The following PLEKHH2 variants were observed in gnomAD, a reference collection of about 807,000 sequenced individuals.
PLEKHH2 encodes the protein pleckstrin homology domain-containing family H member 2.
In PLEKHH2, 129 loss-of-function variants were observed where a neutral mutation model predicts 187.9. The ratio of observed to expected loss-of-function variants is 0.69; its 90% CI spans 0.59 to 0.79. PLEKHH2 has a LOEUF of 0.79. PLEKHH2 is among the 30% of genes least tolerant of loss of function. PLEKHH2 has a pLI of 0.00. For synonymous variants in PLEKHH2, 686 were observed against 605.6 expected (o/e 1.13, Z -1.95); for missense variants, 2,076 against 1,751.2 (o/e 1.19, Z -3.31).
intron 3 of PLEKHH2, chr2:43,692,281 A>G (rs1310125489): frequency 3.0e-6 from 1 of 333,662 alleles, no homozygotes; most frequent in Non-Finnish European, 5.5e-6. Flanking sequence ...ATTACTTTAT[A>G]TGATAGCAAT....
At chr2:43,692,015 T>C (rs1030063480) in intron 3 of PLEKHH2, among the ~76,000 whole-genome samples, 14 of 152,224 alleles carry the variant, frequency 9.2e-5, no homozygotes, top group Non-Finnish European at 2.1e-4. Flanking sequence ...TTTTTTATGA[T>C]TCCATCATTT....
chr2:43,723,624 C>T (rs1670595753), intron 16 of PLEKHH2, among the ~76,000 whole-genome samples: 1 of 152,186 alleles, frequency 6.6e-6, no homozygotes, highest in Non-Finnish European at 1.5e-5. Flanking sequence ...TTCCCTCCTG[C>T]CTTTGGGAAG....
intron 25 of PLEKHH2, 138 bp from the exon 26 acceptor site, chr2:43,756,981 G>C: frequency 2.4e-5 from 14 of 572,358 alleles, no homozygotes; most frequent in Admixed American, 4.3e-5. Flanking sequence ...TGATTATGAA[G>C]TTCATAATCA....
intron 9 of PLEKHH2, 104 bp from the exon 10 acceptor site, chr2:43,706,218 A>G (rs1242099753): frequency 2.5e-6 from 2 of 811,454 alleles, no homozygotes; most frequent in Non-Finnish European, 4.2e-6. Flanking sequence ...TATTAATCGA[A>G]TTGCTTTTTA....
chr2:43,695,301 G>C, intron 6 of PLEKHH2, 77 bp downstream of exon 6: 2 of 728,078 alleles, frequency 2.7e-6, no homozygotes, highest in Non-Finnish European at 4.1e-6. Context: ...ATGTTTTAAA[G>C]ATGCGATTAT....
intron 24 of PLEKHH2, among the ~76,000 whole-genome samples, chr2:43,747,147 G>A (rs1671818650): frequency 7.2e-6 from 1 of 139,064 alleles, no homozygotes; most frequent in South Asian, 2.5e-4. Context: ...TGTTCACCGA[G>A]CTTCAACTGT....
chr2:43,651,172 T>TTC (rs1364395594), intron 2 of PLEKHH2, among the ~76,000 whole-genome samples: 4 of 149,478 alleles, frequency 2.7e-5, no homozygotes, highest in African/African-American at 1.0e-4. Flanking sequence ...TTCATTCATT[T>TTC]ATTCATTTTG....
At chr2:43,679,506 T>C in intron 3 of PLEKHH2, 1 of 369,106 alleles carries the variant, frequency 2.7e-6, no homozygotes, top group Non-Finnish European at 5.2e-6. Context: ...TTTTTTTTTT[T>C]TTTTTTTGAG....
At chr2:43,755,164 C>T (rs1011990457) in intron 25 of PLEKHH2, among the ~76,000 whole-genome samples, 16 of 152,104 alleles carry the variant, frequency 1.1e-4, no homozygotes, top group Non-Finnish European at 1.5e-4. Context: ...TGAGCCACCG[C>T]GCCCAGCCAA....
At chr2:43,681,566 G>A (rs554031859) in intron 3 of PLEKHH2, 11 of 1,043,778 alleles carry the variant, frequency 1.1e-5, no homozygotes, top group East Asian at 7.8e-5. Context: ...CTGTGGGCCC[G>A]CACCTTCGGC....
At position 43,692,663 on chromosome 2, in the gene PLEKHH2, G is replaced by C; in HGVS notation, c.336G>C (p.Gln112His). Residue 112 changes from glutamine to histidine, a missense_variant and splice_region_variant, in exon 4 of 30, where the codon CAG becomes CAC. Transcript: ENST00000282406. ...IQNLELQLEE[Q>H]KQIRIQEAKI... Reference sequence around the variant, plus strand: ...ACTTGGAATTGCAACTTGAAGAGCAGGTTAGGAAGAATTTGATAAAGAGTT... The same window carrying C: ...ACTTGGAATTGCAACTTGAAGAGCACGTTAGGAAGAATTTGATAAAGAGTT... The C allele has an allele frequency of 6.2e-7, 1 of 1,612,126 alleles. No individual in the cohort carries two copies.
intron 2 of PLEKHH2, among the ~76,000 whole-genome samples, chr2:43,666,618 A>G (rs548692341): frequency 6.6e-6 from 1 of 152,332 alleles, no homozygotes; most frequent in South Asian, 2.1e-4. Flanking sequence ...ACCATTTGGC[A>G]TATTCAATCT....
intron 6 of PLEKHH2, among the ~76,000 whole-genome samples, chr2:43,696,706 A>C (rs1000269429): frequency 9.9e-5 from 15 of 152,116 alleles, no homozygotes; most frequent in African/African-American, 3.6e-4. Flanking sequence ...CATTACAGTT[A>C]TCATGGGATG....
intron 3 of PLEKHH2, 123 bp from the exon 4 acceptor site, chr2:43,692,391 G>T: frequency 1.4e-6 from 1 of 736,410 alleles, no homozygotes; most frequent in Non-Finnish European, 2.2e-6. Flanking sequence ...AAACCTTGCT[G>T]TTTAATATTT....
chr2:43,714,473 T>G (rs1670119605), intron 15 of PLEKHH2, among the ~76,000 whole-genome samples: 1 of 152,160 alleles, frequency 6.6e-6, no homozygotes, highest in Non-Finnish European at 1.5e-5. Context: ...TCTGAGTGAC[T>G]TGTTCTGAGC....
intron 24 of PLEKHH2, among the ~76,000 whole-genome samples, chr2:43,752,993 C>T (rs1290512305): frequency 6.6e-6 from 1 of 152,152 alleles, no homozygotes; most frequent in Non-Finnish European, 1.5e-5. Context: ...CACCTTCTCC[C>T]CCTCCCCTTA....
intron 2 of PLEKHH2, among the ~76,000 whole-genome samples, chr2:43,674,404 A>C (rs916443503): frequency 1.3e-5 from 2 of 152,214 alleles, no homozygotes; most frequent in Admixed American, 1.3e-4. Context: ...GTAGTGGAAG[A>C]ATGTGGTATT....
At chr2:43,736,029 C>T (rs1323779002) in intron 19 of PLEKHH2, among the ~76,000 whole-genome samples, 5 of 151,896 alleles carry the variant, frequency 3.3e-5, no homozygotes, top group Admixed American at 2.0e-4. Context: ...TTAAATTTTT[C>T]AATTAAAGTA....
At chr2:43,722,425 A>G (rs1670526037) in intron 16 of PLEKHH2, among the ~76,000 whole-genome samples, 1 of 152,174 alleles carries the variant, frequency 6.6e-6, no homozygotes. Context: ...CAAAGGACTG[A>G]AGGCAGCTGG....
Sources: gnomAD v4.1 joint callset for allele counts (sites outside exome capture counted in the v4.1 genomes callset) on GRCh38, gnomAD v4.1.1 for gene constraint, MANE v1.5 for transcripts, NCBI Gene and HGNC (gene_info 2026-07-23, HGNC 2026-07-21) for gene names.